SHROOM4: variants seen among roughly 807,000 people sequenced by gnomAD.
SHROOM4 encodes shroom family member 4, also known as protein Shroom4.
SHROOM4 carries 17 observed loss-of-function variants against 80.3 expected under a neutral mutation model. The ratio of observed to expected loss-of-function variants is 0.21; its 90% CI spans 0.14 to 0.32. The LOEUF (loss-of-function observed/expected upper bound fraction) is 0.32, where lower values mean the gene tolerates loss of function less well. Among genes scored for constraint, SHROOM4 ranks in the 10% least tolerant of loss-of-function variants. The pLI is 1.00. For synonymous variants in SHROOM4, 400 were observed against 437.5 expected (o/e 0.91, Z 1.07); for missense variants, 993 against 1,140.3 (o/e 0.87, Z 1.86).
chrX:50,756,401 G>A (rs1202747945), intron 1 of SHROOM4, among the ~76,000 whole-genome samples: 1 of 112,314 alleles, frequency 8.9e-6, no homozygotes, highest in Non-Finnish European at 1.9e-5. Context: ...AGTTGAGGAT[G>A]TTTGGGGTGT....
chrX:50,627,767 T>C, intron 4 of SHROOM4, 92 bp from the exon 5 acceptor site: 1 of 726,380 alleles, frequency 1.4e-6, no homozygotes, highest in Non-Finnish European at 2.2e-6. Flanking sequence ...AGCCGGTGTC[T>C]GGCCCAGCCC....
chrX:50,784,055 C>CA (rs1557270846), intron 1 of SHROOM4, among the ~76,000 whole-genome samples: 1 of 111,987 alleles, frequency 8.9e-6, no homozygotes, highest in Non-Finnish European at 1.9e-5. Flanking sequence ...ACGGCGTCGC[C>CA]AAAAATAGAT....
At chrX:50,759,339 G>T (rs1256738328) in intron 1 of SHROOM4, among the ~76,000 whole-genome samples, 1 of 111,803 alleles carries the variant, frequency 8.9e-6, no homozygotes, top group Non-Finnish European at 1.9e-5. Context: ...AATCCAAAAA[G>T]AGAGGCCTCA....
chrX:50,651,968 T>A (rs782647901), intron 2 of SHROOM4, among the ~76,000 whole-genome samples: 306 of 111,896 alleles, frequency 2.7e-3, no homozygotes, highest in African/African-American at 9.2e-3. Flanking sequence ...ATATTTTCTT[T>A]ATCCAGTTTA....
At chrX:50,637,652 C>T (rs1931413109) in intron 3 of SHROOM4, among the ~76,000 whole-genome samples, 1 of 112,465 alleles carries the variant, frequency 8.9e-6, no homozygotes, top group African/African-American at 3.2e-5. Context: ...TGAAGGGCAG[C>T]ACCTTTGCTG....
intron 7 of SHROOM4, among the ~76,000 whole-genome samples, chrX:50,599,325 G>A (rs915848366): frequency 1.8e-5 from 2 of 111,327 alleles, no homozygotes; most frequent in African/African-American, 6.5e-5. Context: ...GGCTTTTGAG[G>A]CCTTTTGGAT....
At chrX:50,579,034 G>A in the SHROOM4 span, among the ~76,000 whole-genome samples, 1 of 111,628 alleles carries the variant, frequency 9.0e-6, no homozygotes, top group South Asian at 3.8e-4. Flanking sequence ...TGATGGGGAA[G>A]GTGTGGTGGA....
chrX:50,673,119 T>C (rs1346642788), intron 2 of SHROOM4, among the ~76,000 whole-genome samples: 9 of 111,773 alleles, frequency 8.1e-5, no homozygotes, highest in African/African-American at 2.9e-4. Context: ...ATAGAAAATA[T>C]GTATGTATGT....
At chrX:50,669,072 A>G (rs980450608) in intron 2 of SHROOM4, among the ~76,000 whole-genome samples, 1 of 112,633 alleles carries the variant, frequency 8.9e-6, no homozygotes, top group Non-Finnish European at 1.9e-5. Flanking sequence ...GTTAATGATC[A>G]TCTGCGTCTT....
chrX:50,632,929 T>C (rs1931130308), intron 4 of SHROOM4, among the ~76,000 whole-genome samples: 1 of 111,914 alleles, frequency 8.9e-6, no homozygotes, highest in Non-Finnish European at 1.9e-5. Context: ...ATCAATTTTA[T>C]AGTCAGGATA....
the SHROOM4 span, among the ~76,000 whole-genome samples, chrX:50,580,918 C>A: frequency 1.8e-5 from 2 of 112,293 alleles, no homozygotes; most frequent in Non-Finnish European, 3.8e-5. Context: ...CTTGTCATTT[C>A]CTGAATACCA....
At chrX:50,722,887 G>A (rs1366356346) in intron 1 of SHROOM4, among the ~76,000 whole-genome samples, 1 of 110,551 alleles carries the variant, frequency 9.0e-6, no homozygotes, top group Non-Finnish European at 1.9e-5. Context: ...GGGAAGCACT[G>A]ATTGTTTCTT....
At chrX:50,738,113 T>C (rs1557266864) in intron 1 of SHROOM4, among the ~76,000 whole-genome samples, 1 of 110,999 alleles carries the variant, frequency 9.0e-6, no homozygotes, top group East Asian at 2.8e-4. Flanking sequence ...AAAAGGCCTT[T>C]GACAAAATTC....
intron 1 of SHROOM4, among the ~76,000 whole-genome samples, chrX:50,747,985 C>T (rs893707024): frequency 5.4e-5 from 6 of 111,537 alleles, no homozygotes; most frequent in Non-Finnish European, 1.1e-4. Context: ...AGATCTGGTG[C>T]CATCTAGTTC....
At chrX:50,742,913 T>C (rs1198078281) in intron 1 of SHROOM4, among the ~76,000 whole-genome samples, 1 of 112,390 alleles carries the variant, frequency 8.9e-6, no homozygotes, top group Non-Finnish European at 1.9e-5. Context: ...GGAATTCTTC[T>C]GCATAAAATG....
intron 1 of SHROOM4, among the ~76,000 whole-genome samples, chrX:50,745,450 C>G (rs782115283): frequency 9.6e-6 from 1 of 104,506 alleles, no homozygotes; most frequent in Non-Finnish European, 2.0e-5. Flanking sequence ...AACAAAAAAA[C>G]AAAAAAAAAA....
chrX:50,716,831 A>C (rs1232160432), intron 1 of SHROOM4, among the ~76,000 whole-genome samples: 1 of 112,543 alleles, frequency 8.9e-6, no homozygotes, highest in Non-Finnish European at 1.9e-5. Context: ...AGAACAAAGT[A>C]ATGATTTACC....
intron 1 of SHROOM4, among the ~76,000 whole-genome samples, chrX:50,795,568 T>C (rs1262828343): frequency 1.8e-5 from 2 of 111,416 alleles, no homozygotes; most frequent in African/African-American, 6.5e-5. Context: ...GGAAGGGTAA[T>C]TTCTGATGGG....
intron 1 of SHROOM4, among the ~76,000 whole-genome samples, chrX:50,701,128 T>C (rs1215786053): frequency 8.9e-6 from 1 of 112,043 alleles, no homozygotes; most frequent in East Asian, 2.8e-4. Context: ...TCTAGTTTAC[T>C]AATCCTCACA....
Sources: gnomAD v4.1 joint callset for allele counts (sites outside exome capture counted in the v4.1 genomes callset) on GRCh38, gnomAD v4.1.1 for gene constraint, MANE v1.5 for transcripts, NCBI Gene and HGNC (gene_info 2026-07-23, HGNC 2026-07-21) for gene names.